The following JARID2 variants were observed in gnomAD, a reference collection of about 807,000 sequenced individuals.
The protein encoded by JARID2 is protein Jumonji.
Under a neutral mutation model 125.6 loss-of-function variants are expected in JARID2, and 21 were observed. That is an observed-to-expected ratio of 0.17 (90% confidence interval 0.12 to 0.24). The LOEUF is 0.24. JARID2 is among the 10% of genes least tolerant of loss of function. JARID2 has a pLI of 1.00. For missense variants in JARID2, 1,303 were observed against 1,639.6 expected (o/e 0.79, Z 3.55); for synonymous variants, 736 against 661.6 (o/e 1.11, Z -1.73).
intron 1 of JARID2, among the ~76,000 whole-genome samples, chr6:15,252,846 T>A (rs901900558): frequency 2.0e-5 from 3 of 152,196 alleles, no homozygotes; most frequent in African/African-American, 7.2e-5. Context: ...CCCCAGTCTT[T>A]GTTTTTCTGA....
At chr6:15,439,826 C>T (rs1247132284) in intron 3 of JARID2, among the ~76,000 whole-genome samples, 1 of 152,208 alleles carries the variant, frequency 6.6e-6, no homozygotes, top group Non-Finnish European at 1.5e-5. Context: ...TCATTCTTCC[C>T]AGTCTCACCC....
chr6:15,294,446 C>T (rs559429264), intron 1 of JARID2, among the ~76,000 whole-genome samples: 1 of 152,338 alleles, frequency 6.6e-6, no homozygotes, highest in South Asian at 2.1e-4. Flanking sequence ...CCCACCTTGG[C>T]CTCCCAAAGT....
chr6:15,288,025 T>A (rs1294220045), intron 1 of JARID2, among the ~76,000 whole-genome samples: 1 of 152,114 alleles, frequency 6.6e-6, no homozygotes, highest in East Asian at 1.9e-4. Flanking sequence ...GAACAAAGCT[T>A]GTGAGAAAAG....
intron 1 of JARID2, among the ~76,000 whole-genome samples, chr6:15,325,259 A>G (rs1762500084): frequency 6.6e-6 from 1 of 152,146 alleles, no homozygotes; most frequent in South Asian, 2.1e-4. Flanking sequence ...ATTGAGACCC[A>G]GTATTTGTGG....
At chr6:15,325,787 A>G (rs950536955) in intron 1 of JARID2, among the ~76,000 whole-genome samples, 2 of 152,128 alleles carry the variant, frequency 1.3e-5, no homozygotes, top group Admixed American at 6.5e-5. Flanking sequence ...TATTGTCTTC[A>G]TTTTCTCACA....
At chr6:15,358,576 G>T (rs892682942) in intron 1 of JARID2, among the ~76,000 whole-genome samples, 16 of 152,152 alleles carry the variant, frequency 1.1e-4, no homozygotes, top group African/African-American at 3.6e-4. Context: ...GCCAGTAGGT[G>T]CTCGTTTTAT....
At chr6:15,283,040 G>A (rs1240966696) in intron 1 of JARID2, among the ~76,000 whole-genome samples, 10 of 151,458 alleles carry the variant, frequency 6.6e-5, no homozygotes, top group Non-Finnish European at 8.8e-5. Flanking sequence ...GTGTAGTGGC[G>A]CGATCTTGGC....
chr6:15,387,106 C>CT (rs1207716379), intron 2 of JARID2, among the ~76,000 whole-genome samples: 2 of 152,116 alleles, frequency 1.3e-5, no homozygotes, highest in South Asian at 2.1e-4. Context: ...CCAGACTTGG[C>CT]TTTTTTCCCC....
intron 1 of JARID2, among the ~76,000 whole-genome samples, chr6:15,258,997 G>T (rs1233520080): frequency 6.6e-6 from 1 of 152,120 alleles, no homozygotes; most frequent in Non-Finnish European, 1.5e-5. Context: ...TCTCACCAAG[G>T]CTTGGTTTTT....
chr6:15,352,386 T>C (rs1480450575), intron 1 of JARID2, among the ~76,000 whole-genome samples: 1 of 152,114 alleles, frequency 6.6e-6, no homozygotes, highest in Non-Finnish European at 1.5e-5. Flanking sequence ...ACGTGCATTG[T>C]CATTGGAGAG....
intron 16 of JARID2, among the ~76,000 whole-genome samples, chr6:15,514,749 G>T (rs1253924803): frequency 6.6e-6 from 1 of 152,076 alleles, no homozygotes; most frequent in South Asian, 2.1e-4. Flanking sequence ...CACCCTCATG[G>T]CCTCATTTGA....
chr6:15,441,754 C>A (rs148251896), intron 3 of JARID2, among the ~76,000 whole-genome samples: 1 of 152,252 alleles, frequency 6.6e-6, no homozygotes, highest in East Asian at 1.9e-4. Flanking sequence ...ATCTTAGAAG[C>A]ATTCCACTGG....
At chr6:15,400,019 G>A (rs1385676883) in intron 2 of JARID2, among the ~76,000 whole-genome samples, 1 of 152,210 alleles carries the variant, frequency 6.6e-6, no homozygotes, top group Non-Finnish European at 1.5e-5. Flanking sequence ...AGTTGTCTGA[G>A]GCCAGGGAGC....
chr6:15,368,579 C>T (rs996273493), intron 1 of JARID2: 20 of 365,168 alleles, frequency 5.5e-5, no homozygotes, highest in Admixed American at 2.1e-4. Flanking sequence ...GAGAAGTCAT[C>T]CCAAGTTGAG....
intron 3 of JARID2, among the ~76,000 whole-genome samples, chr6:15,412,100 C>G (rs1290371793): frequency 6.6e-6 from 1 of 152,124 alleles, no homozygotes. Flanking sequence ...CTTGGCAAAT[C>G]GTTTTTAATT....
At chr6:15,289,231 G>A (rs1229389815) in intron 1 of JARID2, among the ~76,000 whole-genome samples, 1 of 152,144 alleles carries the variant, frequency 6.6e-6, no homozygotes, top group Non-Finnish European at 1.5e-5. Context: ...AAGGCAGGGC[G>A]AGAGCAAAAT....
At chr6:15,445,109 C>G (rs1201498509) in intron 3 of JARID2, among the ~76,000 whole-genome samples, 1 of 152,168 alleles carries the variant, frequency 6.6e-6, no homozygotes, top group Non-Finnish European at 1.5e-5. Context: ...TAGCAATAAG[C>G]TGGTTAACTC....
intron 1 of JARID2, among the ~76,000 whole-genome samples, chr6:15,337,094 C>G (rs1400737630): frequency 1.3e-5 from 2 of 152,102 alleles, no homozygotes; most frequent in African/African-American, 4.8e-5. Context: ...TGCCTCTCTT[C>G]CAAAACCCTG....
chr6:15,291,167 C>A (rs962828575), intron 1 of JARID2, among the ~76,000 whole-genome samples: 3 of 152,096 alleles, frequency 2.0e-5, no homozygotes, highest in African/African-American at 7.2e-5. Flanking sequence ...CCCAGGAGTT[C>A]AAGGCTGTTG....
Sources: allele counts gnomAD v4.1 joint callset (sites outside exome capture counted in the v4.1 genomes callset), GRCh38; gene constraint gnomAD v4.1.1; transcripts MANE v1.5; gene names NCBI Gene and HGNC (gene_info 2026-07-23, HGNC 2026-07-21).